ZNF385B: variants seen among roughly 807,000 people sequenced by gnomAD.
ZNF385B encodes zinc finger protein 385B, also known as zinc finger protein 533.
A neutral mutation model predicts 39.2 loss-of-function variants in ZNF385B; 23 were observed. The ratio of observed to expected loss-of-function variants is 0.59; its 90% CI spans 0.42 to 0.83. ZNF385B has a LOEUF of 0.83. ZNF385B is among the 40% of genes least tolerant of loss of function. The pLI is 0.00. For synonymous variants in ZNF385B, 205 were observed against 222.6 expected, an observed-to-expected ratio of 0.92 and a Z score of 0.70; for missense variants, 552 against 598.9, an observed-to-expected ratio of 0.92 and a Z score of 0.82.
At chr2:179,694,283 A>G (rs1482411368) in intron 3 of ZNF385B, among the ~76,000 whole-genome samples, 3 of 151,948 alleles carry the variant, frequency 2.0e-5, no homozygotes, top group Admixed American at 6.6e-5. Flanking sequence ...TGAAGCTGAT[A>G]TCCTTAGAAC....
intron 3 of ZNF385B, among the ~76,000 whole-genome samples, chr2:179,706,919 T>C (rs1474778194): frequency 1.3e-5 from 2 of 152,090 alleles, no homozygotes; most frequent in African/African-American, 4.8e-5. Context: ...GGGTAGCCTG[T>C]TTGAAGGGTT....
intron 3 of ZNF385B, among the ~76,000 whole-genome samples, chr2:179,649,575 A>C (rs1387701982): frequency 6.6e-6 from 1 of 152,236 alleles, no homozygotes; most frequent in East Asian, 1.9e-4. Flanking sequence ...ATACTATGAA[A>C]AAGGCTACAA....
At chr2:179,665,510 C>G (rs556674206) in intron 3 of ZNF385B, among the ~76,000 whole-genome samples, 1 of 152,186 alleles carries the variant, frequency 6.6e-6, no homozygotes, top group Non-Finnish European at 1.5e-5. Flanking sequence ...CGTTTGGAAG[C>G]TGCGGCTCCC....
At chr2:179,502,915 C>A (rs745402627) in intron 5 of ZNF385B, among the ~76,000 whole-genome samples, 12 of 152,188 alleles carry the variant, frequency 7.9e-5, no homozygotes, top group Non-Finnish European at 1.8e-4. Context: ...TTTGTTTCAA[C>A]CAGGCTGCAG....
chr2:179,804,317 C>T (rs1033375190), intron 1 of ZNF385B, among the ~76,000 whole-genome samples: 2 of 152,160 alleles, frequency 1.3e-5, no homozygotes, highest in African/African-American at 4.8e-5. Flanking sequence ...CTCAAAGACT[C>T]AAGTGCTTCT....
At chr2:179,743,540 T>C (rs1053740298) in intron 3 of ZNF385B, among the ~76,000 whole-genome samples, 1 of 152,034 alleles carries the variant, frequency 6.6e-6, no homozygotes, top group Non-Finnish European at 1.5e-5. Context: ...AGGGAAAAAG[T>C]ATAATAGCAA....
intron 3 of ZNF385B, among the ~76,000 whole-genome samples, chr2:179,703,516 T>C (rs1403238125): frequency 1.3e-5 from 2 of 152,212 alleles, no homozygotes; most frequent in Non-Finnish European, 2.9e-5. Flanking sequence ...GTCCAGAAGG[T>C]TTTGTTCACT....
intron 1 of ZNF385B, among the ~76,000 whole-genome samples, chr2:179,823,453 T>C (rs529488299): frequency 7.9e-5 from 12 of 152,286 alleles, no homozygotes; most frequent in Admixed American, 3.3e-4. Context: ...TGGTTCACTA[T>C]CAAGTAACAT....
intron 3 of ZNF385B, among the ~76,000 whole-genome samples, chr2:179,570,711 T>C (rs1275212004): frequency 2.6e-5 from 4 of 152,186 alleles, no homozygotes; most frequent in African/African-American, 9.7e-5. Context: ...ATTGGTTTTC[T>C]CTTTATTTTG....
chr2:179,633,519 C>T (rs1425681555), intron 3 of ZNF385B, among the ~76,000 whole-genome samples: 1 of 152,170 alleles, frequency 6.6e-6, no homozygotes, highest in Non-Finnish European at 1.5e-5. Flanking sequence ...ATGCTAAAAA[C>T]TCTCAATAAA....
chr2:179,731,299 G>A (rs1218413453), intron 3 of ZNF385B, among the ~76,000 whole-genome samples: 1 of 152,214 alleles, frequency 6.6e-6, no homozygotes, highest in Admixed American at 6.5e-5. Flanking sequence ...TCATAAATGA[G>A]AAAACTGAGT....
intron 4 of ZNF385B, among the ~76,000 whole-genome samples, chr2:179,519,002 A>G (rs2058293308): frequency 1.3e-5 from 2 of 152,192 alleles, no homozygotes; most frequent in South Asian, 4.1e-4. Context: ...TTTTCTTGAG[A>G]CAGGATCTTG....
At chr2:179,715,186 T>C (rs1369217005) in intron 3 of ZNF385B, among the ~76,000 whole-genome samples, 6 of 151,000 alleles carry the variant, frequency 4.0e-5, no homozygotes, top group African/African-American at 7.3e-5. Context: ...ATAACTTTTA[T>C]GTGATAACAG....
chr2:179,639,635 T>C (rs1692085577), intron 3 of ZNF385B, among the ~76,000 whole-genome samples: 1 of 151,540 alleles, frequency 6.6e-6, no homozygotes, highest in African/African-American at 2.4e-5. Context: ...AATTTAAGGG[T>C]AGAGGAAGGA....
chr2:179,755,071 T>A (rs1235280342), intron 3 of ZNF385B, among the ~76,000 whole-genome samples: 1 of 152,224 alleles, frequency 6.6e-6, no homozygotes, highest in Non-Finnish European at 1.5e-5. Flanking sequence ...GGGCATTTAG[T>A]GCTATAAATT....
At chr2:179,787,278 T>G (rs1267737744) in intron 1 of ZNF385B, among the ~76,000 whole-genome samples, 1 of 152,040 alleles carries the variant, frequency 6.6e-6, no homozygotes, top group East Asian at 1.9e-4. Context: ...ATTTTTGACC[T>G]CTGCCTTCAG....
intron 4 of ZNF385B, among the ~76,000 whole-genome samples, chr2:179,527,227 A>G (rs538109149): frequency 1.8e-4 from 28 of 152,344 alleles, no homozygotes; most frequent in East Asian, 9.6e-4. Context: ...TAATGGCAGT[A>G]TATATTCCCG....
intron 4 of ZNF385B, among the ~76,000 whole-genome samples, chr2:179,527,528 A>AT (rs11431541): frequency 0.59 from 87,517 of 147,770 alleles, 27,437 homozygotes; most frequent in Non-Finnish European, 0.7. Context: ...TTTTCTGGTC[A>AT]TTTTTTTTTT....
chr2:179,847,433 G>A (rs1309000931), intron 1 of ZNF385B, among the ~76,000 whole-genome samples: 2 of 152,074 alleles, frequency 1.3e-5, no homozygotes, highest in African/African-American at 4.8e-5. Context: ...ATTCCTACTT[G>A]TTTCACACAT....
Sources: gnomAD v4.1 joint callset for allele counts (sites outside exome capture counted in the v4.1 genomes callset) on GRCh38, gnomAD v4.1.1 for gene constraint, MANE v1.5 for transcripts, NCBI Gene and HGNC (gene_info 2026-07-23, HGNC 2026-07-21) for gene names.